Variants in CHRM3 observed in about 807,000 individuals in gnomAD.
The protein encoded by CHRM3 is cholinergic receptor muscarinic 3.
Under a neutral mutation model 41.8 loss-of-function variants are expected in CHRM3, and 11 were observed. The observed-to-expected ratio is 0.26, with a 90% CI of 0.17 to 0.44. The LOEUF (loss-of-function observed/expected upper bound fraction) is 0.44. Among genes scored for constraint, CHRM3 ranks in the 20% least tolerant of loss-of-function variants. The pLI is 1.00. For missense variants in CHRM3, 571 were observed against 745.4 expected (o/e 0.77, Z 2.72); for synonymous variants, 297 against 301.4 (o/e 0.99, Z 0.15).
At chr1:239,747,259 T>C (rs1016833955) in intron 5 of CHRM3, among the ~76,000 whole-genome samples, 1 of 152,208 alleles carries the variant, frequency 6.6e-6, no homozygotes, top group African/African-American at 2.4e-5. Context: ...TAAATATTTA[T>C]TGAGCACCCA....
chr1:239,803,543 C>T (rs1670379904), intron 5 of CHRM3, among the ~76,000 whole-genome samples: 1 of 152,080 alleles, frequency 6.6e-6, no homozygotes, highest in Non-Finnish European at 1.5e-5. Flanking sequence ...GGAATATTTT[C>T]CCTTTTATGA....
chr1:239,899,438 T>C (rs1679314422), intron 6 of CHRM3, among the ~76,000 whole-genome samples: 1 of 151,094 alleles, frequency 6.6e-6, no homozygotes. Context: ...TATACACATG[T>C]ATGTATATGA....
intron 1 of CHRM3, among the ~76,000 whole-genome samples, chr1:239,475,307 C>A (rs1666395075): frequency 6.6e-6 from 1 of 151,984 alleles, no homozygotes; most frequent in Non-Finnish European, 1.5e-5. Flanking sequence ...ATATTGACAT[C>A]AACAGTATTA....
chr1:239,725,117 A>G (rs1243593337), intron 5 of CHRM3, among the ~76,000 whole-genome samples: 1 of 151,986 alleles, frequency 6.6e-6, no homozygotes, highest in African/African-American at 2.4e-5. Context: ...CCAACAACCT[A>G]TTTTAGACTT....
intron 2 of CHRM3, among the ~76,000 whole-genome samples, chr1:239,537,534 T>G (rs1395722852): frequency 6.6e-6 from 1 of 152,128 alleles, no homozygotes; most frequent in African/African-American, 2.4e-5. Flanking sequence ...GGGGATTCCA[T>G]CTCAACATGA....
chr1:239,405,977 C>T (rs1437954723), intron 1 of CHRM3, among the ~76,000 whole-genome samples: 1 of 152,086 alleles, frequency 6.6e-6, no homozygotes, highest in Non-Finnish European at 1.5e-5. Flanking sequence ...CTGCAACCTC[C>T]GCCTCCCGGG....
chr1:239,539,526 TC>T (rs1309642309), intron 2 of CHRM3, among the ~76,000 whole-genome samples: 1 of 150,524 alleles, frequency 6.6e-6, no homozygotes, highest in Non-Finnish European at 1.5e-5. Context: ...TCTCTTTCTT[TC>T]TCATATTTCT....
chr1:239,871,536 G>A (rs1341020176), intron 6 of CHRM3, among the ~76,000 whole-genome samples: 1 of 152,084 alleles, frequency 6.6e-6, no homozygotes, highest in Non-Finnish European at 1.5e-5. Flanking sequence ...CACCACCCCT[G>A]GCTGCCATAT....
intron 1 of CHRM3, among the ~76,000 whole-genome samples, chr1:239,479,000 T>A (rs988751694): frequency 6.6e-6 from 1 of 152,084 alleles, no homozygotes; most frequent in East Asian, 1.9e-4. Flanking sequence ...CTGACGAACA[T>A]GGGGAAACCC....
intron 1 of CHRM3, among the ~76,000 whole-genome samples, chr1:239,443,749 A>G (rs879618433): frequency 1.3e-5 from 2 of 152,220 alleles, no homozygotes; most frequent in Non-Finnish European, 2.9e-5. Flanking sequence ...CTTAAGAGAA[A>G]TACTTTTCTT....
At chr1:239,680,286 C>T (rs1658433749) in intron 5 of CHRM3, among the ~76,000 whole-genome samples, 1 of 152,080 alleles carries the variant, frequency 6.6e-6, no homozygotes, top group South Asian at 2.1e-4. Flanking sequence ...TTAGGGTGAT[C>T]ATTTATACTA....
At chr1:239,477,644 T>G (rs1666557326) in intron 1 of CHRM3, among the ~76,000 whole-genome samples, 1 of 152,188 alleles carries the variant, frequency 6.6e-6, no homozygotes, top group South Asian at 2.1e-4. Flanking sequence ...TCAGTCTGCA[T>G]CCACCCATTG....
chr1:239,528,068 G>A (rs961948227), intron 2 of CHRM3, among the ~76,000 whole-genome samples: 3 of 152,208 alleles, frequency 2.0e-5, no homozygotes, highest in Non-Finnish European at 4.4e-5. Flanking sequence ...AAGGGCATTA[G>A]TGTCAGCAAC....
At chr1:239,409,271 T>C (rs970285814) in intron 1 of CHRM3, among the ~76,000 whole-genome samples, 1 of 152,192 alleles carries the variant, frequency 6.6e-6, no homozygotes, top group Non-Finnish European at 1.5e-5. Context: ...TTTAAACATA[T>C]TATGATACAA....
At chr1:239,448,797 T>C (rs1231785639) in intron 1 of CHRM3, among the ~76,000 whole-genome samples, 1 of 152,166 alleles carries the variant, frequency 6.6e-6, no homozygotes, top group Non-Finnish European at 1.5e-5. Context: ...GTTTGTTTTG[T>C]TTTGTTTTCA....
At chr1:239,857,455 G>A (rs1349738247) in intron 6 of CHRM3, among the ~76,000 whole-genome samples, 1 of 152,024 alleles carries the variant, frequency 6.6e-6, no homozygotes, top group Non-Finnish European at 1.5e-5. Context: ...TGCTTTGAAG[G>A]ATGAAAAAAA....
intron 5 of CHRM3, among the ~76,000 whole-genome samples, chr1:239,745,794 A>G (rs1332488193): frequency 1.3e-5 from 2 of 152,190 alleles, no homozygotes; most frequent in East Asian, 3.9e-4. Context: ...TTCTCAAAAG[A>G]AGACATTTAT....
At chr1:239,499,670 C>G (rs1668100299) in intron 2 of CHRM3, among the ~76,000 whole-genome samples, 1 of 152,086 alleles carries the variant, frequency 6.6e-6, no homozygotes, top group South Asian at 2.1e-4. Context: ...GGCACATTGT[C>G]ATCAGGTTAT....
chr1:239,623,499 T>TTA (rs1481450121), intron 3 of CHRM3, among the ~76,000 whole-genome samples: 5 of 62,844 alleles, frequency 8.0e-5, no homozygotes, highest in Admixed American at 1.4e-4. Context: ...TTTTTTTTAA[T>TTA]TTTTTTTTTT....
Sources: allele counts gnomAD v4.1 joint callset (sites outside exome capture counted in the v4.1 genomes callset), GRCh38; gene constraint gnomAD v4.1.1; transcripts MANE v1.5; gene names NCBI Gene and HGNC (gene_info 2026-07-23, HGNC 2026-07-21).